The following MAP3K15 variants were observed in gnomAD, a reference collection of about 807,000 sequenced individuals.
MAP3K15 encodes MAPK/ERK kinase kinase 15.
In MAP3K15, 124 loss-of-function variants were observed where a neutral mutation model predicts 99.5. The observed-to-expected ratio is 1.25, with a 90% CI of 1.08 to 1.45. MAP3K15 has a LOEUF of 1.45. Among genes scored for constraint, MAP3K15 ranks in the 40% most tolerant of loss-of-function variants. The probability of loss-of-function intolerance (pLI) is 0.00; values close to 1 mark genes in which losing one functional copy is unlikely to be tolerated. For missense variants in MAP3K15, 1,242 were observed against 1,079.7 expected, an observed-to-expected ratio of 1.15 and a Z score of -2.11; for synonymous variants, 494 against 439.6, an observed-to-expected ratio of 1.12 and a Z score of -1.55.
chrX:19,503,587 G>A (rs897503846), intron 1 of MAP3K15, among the ~76,000 whole-genome samples: 2 of 110,707 alleles, frequency 1.8e-5, no homozygotes, highest in African/African-American at 6.6e-5. Flanking sequence ...CACCATGCCT[G>A]GCTAATTTTT....
At chrX:19,447,643 G>A (rs982934781) in intron 6 of MAP3K15, among the ~76,000 whole-genome samples, 2 of 107,606 alleles carry the variant, frequency 1.9e-5, no homozygotes, top group African/African-American at 6.7e-5. Context: ...CAGCACTTTG[G>A]GAGGCCGAGG....
chrX:19,443,512 G>A (rs2063974900), intron 6 of MAP3K15, among the ~76,000 whole-genome samples: 1 of 112,267 alleles, frequency 8.9e-6, no homozygotes, highest in African/African-American at 3.2e-5. Context: ...AAGGGAAATA[G>A]CAAGCGCTAT....
intron 6 of MAP3K15, among the ~76,000 whole-genome samples, chrX:19,445,151 A>G (rs1487957584): frequency 9.0e-6 from 1 of 110,680 alleles, no homozygotes; most frequent in Non-Finnish European, 1.9e-5. Context: ...TCTTTTCCCT[A>G]TCTCATTTCC....
chrX:19,473,146 G>T (rs910304108), intron 3 of MAP3K15, among the ~76,000 whole-genome samples: 10 of 112,279 alleles, frequency 8.9e-5, no homozygotes, highest in African/African-American at 3.2e-4. Context: ...GAACAGGACT[G>T]AGGAGACAGC....
intron 1 of MAP3K15, among the ~76,000 whole-genome samples, chrX:19,489,508 A>G (rs745907199): frequency 1.8e-5 from 2 of 110,840 alleles, no homozygotes; most frequent in Non-Finnish European, 3.8e-5. Flanking sequence ...CTATCCCCCA[A>G]TATGATGGTA....
chrX:19,421,047 G>C (rs7892435), intron 9 of MAP3K15, among the ~76,000 whole-genome samples: 1,588 of 110,210 alleles, frequency 0.014, 40 homozygotes, highest in African/African-American at 0.049. Context: ...ATAATAAGAG[G>C]TATCTATGAC....
chrX:19,389,334 C>T (rs1330846193), intron 18 of MAP3K15, among the ~76,000 whole-genome samples: 1 of 108,755 alleles, frequency 9.2e-6, no homozygotes, highest in Non-Finnish European at 1.9e-5. Context: ...CAGGGCTGAC[C>T]CTGGCTATAA....
chrX:19,460,677 C>T (rs2064125318), intron 4 of MAP3K15, among the ~76,000 whole-genome samples: 1 of 111,763 alleles, frequency 8.9e-6, no homozygotes, highest in Admixed American at 9.5e-5. Context: ...ATGGGACACA[C>T]AGAGGTCATG....
rs1338540459 is a variant in MAP3K15, at chrX:19,460,071, C to T, written c.802G>A (p.Ala268Thr). ...TTATCCATGCGGAGCTTGATCCGAG[C>T]TAGCTCCTTCGCCAGTTCCTCACCT... Reference protein sequence around the residue: ...YQGEELAKELARIKLRMDNTE... With the variant: ...YQGEELAKELTRIKLRMDNTE... The change falls in exon 5 of 29, where the codon GCT becomes ACT. Residue 268 changes from alanine to threonine, a missense_variant. Coordinates refer to ENST00000338883, the MANE Select transcript of MAP3K15 (RefSeq NM_001001671.4). 1.7e-6 allele frequency: 2 copies of T among 1,194,803 alleles called. No individual in the cohort carries two copies. The highest frequency in any genetic ancestry group is 3.5e-5 in the African/African-American group (2 of 57,022).
At chrX:19,480,771 A>T (rs2064283242) in intron 3 of MAP3K15, among the ~76,000 whole-genome samples, 1 of 103,890 alleles carries the variant, frequency 9.6e-6, no homozygotes, top group African/African-American at 3.5e-5. Context: ...GGTTGCAGTG[A>T]GCGGAGCCTG....
intron 3 of MAP3K15, among the ~76,000 whole-genome samples, chrX:19,474,547 G>GT (rs1220896142): frequency 3.1e-5 from 3 of 97,448 alleles, no homozygotes; most frequent in South Asian, 5.7e-4. Context: ...GGAGGTTGGG[G>GT]GGGGGGGTCT....
chrX:19,511,193 G>A (rs113774381), intron 1 of MAP3K15, among the ~76,000 whole-genome samples: 2,273 of 111,661 alleles, frequency 0.02, 77 homozygotes, highest in African/African-American at 0.069. Flanking sequence ...AGACTTAAAC[G>A]TAAGACCTAA....
intron 14 of MAP3K15, 45 bp from the exon 15 acceptor site, chrX:19,398,404 G>A: frequency 7.5e-6 from 9 of 1,195,412 alleles, no homozygotes; most frequent in Non-Finnish European, 1.0e-5. Context: ...ACAACTTGTA[G>A]CGGAGAAGCC....
At chrX:19,361,280 A>T in intron 28 of MAP3K15, 59 bp downstream of exon 28, 1 of 955,885 alleles carries the variant, frequency 1.0e-6, no homozygotes, top group Non-Finnish European at 1.5e-6. Flanking sequence ...TCTGCTCTTG[A>T]AGCATATTCA....
chrX:19,369,845 G>A (rs1175209232), intron 24 of MAP3K15, among the ~76,000 whole-genome samples: 3 of 110,831 alleles, frequency 2.7e-5, no homozygotes, highest in Non-Finnish European at 5.7e-5. Context: ...GGGAGATGGA[G>A]GTTGCAGTGA....
intron 18 of MAP3K15, among the ~76,000 whole-genome samples, chrX:19,383,557 G>T (rs866409868): frequency 8.9e-6 from 1 of 111,940 alleles, no homozygotes; most frequent in Middle Eastern, 4.2e-3. Context: ...CACAGAATGG[G>T]AGAAAATATT....
At position 19,400,673 on chromosome X, in the gene MAP3K15, C is replaced by A. The variant is rs2063601444; in HGVS notation, c.1845-10G>T. On this transcript the variant is annotated splice_polypyrimidine_tract_variant and intron_variant, in intron 13 of 28. Coordinates refer to ENST00000338883, the MANE Select transcript of MAP3K15 (RefSeq NM_001001671.4). ...GACCAAAGAGAAAAATCTAGAACAGCAAGTGTCACAAATACGTTGCCAACT... is the reference window on the plus strand; with the variant it reads ...GACCAAAGAGAAAAATCTAGAACAGAAAGTGTCACAAATACGTTGCCAACT... 8.7e-7 allele frequency: 1 copy of A among 1,145,797 alleles called. No individual in the cohort carries two copies. Among genetic ancestry groups the A allele is most frequent in the Admixed American group, 2.2e-5 (1 of 44,617 alleles). 94.4% of individuals were successfully genotyped at this position (1,145,797 alleles called of 1,213,427 possible).
At chrX:19,483,168 G>T (rs758366525) in intron 3 of MAP3K15, among the ~76,000 whole-genome samples, 1 of 105,282 alleles carries the variant, frequency 9.5e-6, no homozygotes, top group African/African-American at 3.5e-5. Context: ...TGAGGCAGAA[G>T]AATCACTCAA....
intron 3 of MAP3K15, among the ~76,000 whole-genome samples, chrX:19,469,976 T>A (rs1248191839): frequency 9.0e-6 from 1 of 110,530 alleles, no homozygotes; most frequent in African/African-American, 3.3e-5. Context: ...GTTCAACCAT[T>A]GTGGAAGTCA....
Sources: allele counts gnomAD v4.1 joint callset (sites outside exome capture counted in the v4.1 genomes callset), GRCh38; gene constraint gnomAD v4.1.1; transcripts MANE v1.5; gene names NCBI Gene and HGNC (gene_info 2026-07-23, HGNC 2026-07-21).